DSCAM: variants seen among roughly 807,000 people sequenced by gnomAD.
DSCAM encodes the protein cell adhesion molecule DSCAM.
Under a neutral mutation model 217.7 loss-of-function variants are expected in DSCAM, and 47 were observed. The ratio of observed to expected loss-of-function variants is 0.22; its 90% CI spans 0.17 to 0.28. The LOEUF (loss-of-function observed/expected upper bound fraction) is 0.28. Among genes scored for constraint, DSCAM ranks in the 10% least tolerant of loss-of-function variants. The pLI, the probability that DSCAM is intolerant of heterozygous loss-of-function variation, is 1.00. For synonymous variants in DSCAM, 1,056 were observed against 1,015.3 expected (o/e 1.04, Z -0.76); for missense variants, 2,080 against 2,618.3 (o/e 0.79, Z 4.49).
rs527926618 is a variant in DSCAM, at chr21:40,052,013, C to G, written c.5130G>C (p.Ser1710=). 3 of 1,613,976 alleles carry G rather than the reference C, an allele frequency of 1.9e-6. No individual in the cohort carries two copies. Among genetic ancestry groups the G allele is most frequent in the Admixed American group, 3.3e-5 (2 of 59,988 alleles). Residue 1710 remains serine, a synonymous_variant, in exon 30 of 33, where the codon TCG becomes TCC. Transcript: ENST00000400454. The part of the protein sequence containing the change: ...LTVTHTVHYQ[S]VSQATGPLVD... ...CTAAGGGCCCAGTGGCCTGAGACAC[C>G]GATTGGTAATGGACCGTGTGAGTGA...
At chr21:40,329,717 G>C (rs995061605) in intron 8 of DSCAM, among the ~76,000 whole-genome samples, 2 of 151,842 alleles carry the variant, frequency 1.3e-5, no homozygotes, top group Admixed American at 6.6e-5. Flanking sequence ...CCTTAAGAAA[G>C]AGTGAGCTGT....
intron 5 of DSCAM, among the ~76,000 whole-genome samples, chr21:40,348,297 C>T (rs57527671): frequency 7.0e-6 from 1 of 142,336 alleles, no homozygotes; most frequent in Admixed American, 7.0e-5. Context: ...CCAGAGAGTT[C>T]CTATCAGCCA....
At chr21:40,059,194 A>G (rs2089075579) in intron 28 of DSCAM, among the ~76,000 whole-genome samples, 1 of 152,174 alleles carries the variant, frequency 6.6e-6, no homozygotes, top group Non-Finnish European at 1.5e-5. Flanking sequence ...TGTGCACAAA[A>G]ATATGAACAT....
chr21:40,646,714 GCAGTTGAATTT>G (rs2146351202), intron 3 of DSCAM, among the ~76,000 whole-genome samples: 1 of 152,330 alleles, frequency 6.6e-6, no homozygotes, highest in Admixed American at 6.5e-5. Context: ...AAGCTGGTGT[GCAGTTGAATTT>G]CAGTGAGGCT....
At chr21:40,436,686 G>A (rs1243727161) in intron 3 of DSCAM, among the ~76,000 whole-genome samples, 4 of 152,152 alleles carry the variant, frequency 2.6e-5, no homozygotes, top group East Asian at 1.9e-4. Context: ...TGAAGGACTC[G>A]CCAAGTGAAA....
Position 40,585,419 on chromosome 21 carries a change from CAAAA to C in DSCAM, c.508+107387_508+107390del, listed in dbSNP as rs71186946. On this transcript the variant is annotated intron_variant, in intron 3 of 32. Transcript: ENST00000400454. ...TGGGCGACAGAGCAAGACTCCGTCT[CAAAA>C]AAAAAAAAAAAAAAAAAAAAGAAAA... 4.5e-3 allele frequency among the ~76,000 whole-genome samples: 392 copies of C among 86,832 alleles called. 2 individuals carry two copies. The highest frequency in any genetic ancestry group is 0.015 in the African/African-American group (362 of 24,940). The allele number at this position is 86,832 out of a possible 152,430, so 57.0% of individuals were successfully genotyped here. A position where few individuals can be genotyped will look rare whatever the true frequency, so the allele number is the denominator to read the frequency against.
At chr21:40,539,826 G>A (rs188650572) in intron 3 of DSCAM, among the ~76,000 whole-genome samples, 1 of 152,282 alleles carries the variant, frequency 6.6e-6, no homozygotes, top group East Asian at 1.9e-4. Flanking sequence ...TCTATATGCA[G>A]ATAAGACCCA....
chr21:40,063,549 TTTATTC>T (rs2089157825), intron 27 of DSCAM, among the ~76,000 whole-genome samples: 1 of 152,182 alleles, frequency 6.6e-6, no homozygotes, highest in South Asian at 2.1e-4. Context: ...TAAAATATAA[TTTATTC>T]TTTTTACACA....
intron 3 of DSCAM, among the ~76,000 whole-genome samples, chr21:40,406,330 T>A (rs2075279544): frequency 6.6e-6 from 1 of 152,206 alleles, no homozygotes; most frequent in Non-Finnish European, 1.5e-5. Flanking sequence ...ATATCAATAT[T>A]TGAAGAGACA....
At chr21:40,036,119 A>G (rs1410254790) in intron 32 of DSCAM, among the ~76,000 whole-genome samples, 4 of 134,210 alleles carry the variant, frequency 3.0e-5, no homozygotes, top group Non-Finnish European at 6.3e-5. Flanking sequence ...GAAAAGCAAG[A>G]GCAAACACAT....
chr21:40,130,439 A>C (rs893535043), intron 19 of DSCAM, among the ~76,000 whole-genome samples: 1 of 152,226 alleles, frequency 6.6e-6, no homozygotes, highest in African/African-American at 2.4e-5. Context: ...ACAGACCCCA[A>C]AAAATATGTC....
chr21:40,029,964 CAAATGCAAGTCTCTTT>C (rs1016935355), intron 32 of DSCAM, among the ~76,000 whole-genome samples: 3 of 152,248 alleles, frequency 2.0e-5, no homozygotes, highest in Non-Finnish European at 2.9e-5. Flanking sequence ...GGTCTCCTTT[CAAATGCAAGTCTCTTT>C]GATGCCTACA....
rs1378740634 is a variant in DSCAM, at chr21:40,637,586, CATATATAAATAT to C, written c.508+55212_508+55223del. Among the ~76,000 whole-genome samples the C allele has an allele frequency of 4.8e-4, 22 of 45,706 alleles. 2 individuals carry two copies. Among genetic ancestry groups the C allele is most frequent in the African/African-American group, 1.0e-3 (11 of 10,558 alleles). The allele number at this position is 45,706 out of a possible 152,430, so 30.0% of individuals were successfully genotyped here. A position where few individuals can be genotyped will look rare whatever the true frequency, so the allele number is the denominator to read the frequency against. The stretch of plus-strand genomic sequence containing the variant: ...ATATATAAATATATATAAATATATA[CATATATAAATAT>C]ATATATAAATATATATAAATATATA... On this transcript the variant is annotated intron_variant, in intron 3 of 32. Coordinates refer to ENST00000400454, the MANE Select transcript of DSCAM (RefSeq NM_001389.5).
At chr21:40,030,405 G>C (rs375091452) in intron 32 of DSCAM, among the ~76,000 whole-genome samples, 1 of 152,136 alleles carries the variant, frequency 6.6e-6, no homozygotes, top group Admixed American at 6.5e-5. Flanking sequence ...ATAAAACGTG[G>C]GAGGGGAGTA....
chr21:40,343,717 A>G (rs1443494521), intron 6 of DSCAM, among the ~76,000 whole-genome samples: 1 of 152,082 alleles, frequency 6.6e-6, no homozygotes, highest in Non-Finnish European at 1.5e-5. Context: ...GCTAAAAGTT[A>G]AGATTGCAGT....
intron 3 of DSCAM, among the ~76,000 whole-genome samples, chr21:40,575,638 G>C (rs2076844225): frequency 6.6e-6 from 1 of 152,076 alleles, no homozygotes; most frequent in Non-Finnish European, 1.5e-5. Context: ...AAATTAACTA[G>C]AGAAAAATAA....
chr21:40,686,189 C>T (rs866930975), intron 3 of DSCAM, among the ~76,000 whole-genome samples: 112 of 138,654 alleles, frequency 8.1e-4, no homozygotes, highest in African/African-American at 2.5e-3. Flanking sequence ...AGAGCACACA[C>T]ACCACATAGC....
At chr21:40,364,122 A>G (rs1454307705) in intron 4 of DSCAM, among the ~76,000 whole-genome samples, 1 of 152,230 alleles carries the variant, frequency 6.6e-6, no homozygotes, top group Non-Finnish European at 1.5e-5. Flanking sequence ...CAGTGTGGCG[A>G]TTCCTCAGGG....
At chr21:40,248,570 G>C (rs1263289203) in intron 11 of DSCAM, among the ~76,000 whole-genome samples, 13 of 152,170 alleles carry the variant, frequency 8.5e-5, no homozygotes, top group Admixed American at 7.2e-4. Context: ...GACCACCTCA[G>C]CCTGACGTTA....
Sources: allele counts gnomAD v4.1 joint callset (sites outside exome capture counted in the v4.1 genomes callset), GRCh38; gene constraint gnomAD v4.1.1; transcripts MANE v1.5; gene names NCBI Gene and HGNC (gene_info 2026-07-23, HGNC 2026-07-21).